The following ILKAP variants were observed in gnomAD, a reference collection of about 807,000 sequenced individuals.
ILKAP encodes the protein ILK associated serine/threonine phosphatase, also known as integrin-linked kinase-associated serine/threonine phosphatase 2C.
Under a neutral mutation model 49.1 loss-of-function variants are expected in ILKAP, and 11 were observed. The ratio of observed to expected loss-of-function variants is 0.22; its 90% CI spans 0.14 to 0.37. The LOEUF is 0.37. Among genes scored for constraint, ILKAP ranks in the 10% least tolerant of loss-of-function variants. ILKAP has a pLI of 1.00. For missense variants in ILKAP, 363 were observed against 510.8 expected (o/e 0.71, Z 2.79); for synonymous variants, 186 against 192.8 (o/e 0.96, Z 0.29).
chr2:238,181,982 A>C, intron 9 of ILKAP, 83 bp downstream of exon 9: 6 of 1,444,834 alleles, frequency 4.2e-6, no homozygotes, highest in Non-Finnish European at 5.7e-6. Context: ...GTAACAGGGG[A>C]AGTTCTACTC....
At chr2:238,177,838 G>A (rs1273148361) in intron 9 of ILKAP, among the ~76,000 whole-genome samples, 1 of 152,142 alleles carries the variant, frequency 6.6e-6, no homozygotes, top group East Asian at 1.9e-4. Flanking sequence ...TATATACGCA[G>A]AGGTGGAACT....
intron 4 of ILKAP, among the ~76,000 whole-genome samples, chr2:238,189,090 G>A (rs988500289): frequency 1.3e-5 from 2 of 151,970 alleles, no homozygotes; most frequent in Non-Finnish European, 2.9e-5. Flanking sequence ...AAGCCGAGGC[G>A]GGCAGATCAC....
rs1694677476 is a variant in ILKAP at position 238,203,676 on chromosome 2, C to G, written c.-123G>C. 5.2e-6 allele frequency: 2 copies of G among 383,776 alleles called. No homozygotes were observed. The highest frequency in any genetic ancestry group is 7.9e-6 in the Non-Finnish European group (2 of 254,248). 23.8% of individuals were successfully genotyped at this position (383,776 alleles called of 1,614,324 possible). A position where few individuals can be genotyped will look rare whatever the true frequency, so the allele number is the denominator to read the frequency against. ...GACGGGCAGGGGCGGCCGGCGCCGT[C>G]AGTCACCTGCAGGGAGAGTCCCGGA... On this transcript the variant is annotated 5_prime_UTR_variant, in exon 1 of 12. Transcript: ENST00000254654.
chr2:238,203,583 G>A lies in ILKAP; in HGVS notation c.-30C>T. On this transcript the variant is annotated 5_prime_UTR_variant, in exon 1 of 12. Coordinates refer to ENST00000254654, the MANE Select transcript of ILKAP (RefSeq NM_030768.3). ...GAGGCTGGGTGGAGGCGGCAGCAGCGACAGACACTCAGCCCGCGAGCAGCG... is the reference window on the plus strand; with the variant it reads ...GAGGCTGGGTGGAGGCGGCAGCAGCAACAGACACTCAGCCCGCGAGCAGCG... The A allele has an allele frequency of 8.8e-7, 1 of 1,141,480 alleles. No individual in the cohort carries two copies. Among genetic ancestry groups the A allele is most frequent in the Non-Finnish European group, 1.1e-6 (1 of 926,802 alleles). The allele number at this position is 1,141,480 out of a possible 1,614,324, so 70.7% of individuals were successfully genotyped here.
chr2:238,192,815 C>A (rs1694192717), intron 3 of ILKAP, among the ~76,000 whole-genome samples: 1 of 151,972 alleles, frequency 6.6e-6, no homozygotes, highest in Non-Finnish European at 1.5e-5. Flanking sequence ...GAGTTCGAGA[C>A]CAGCCTGGCC....
At chr2:238,173,513 G>C (rs763364112) in intron 10 of ILKAP, 21 bp downstream of exon 10, 2 of 1,524,744 alleles carry the variant, frequency 1.3e-6, no homozygotes, top group Non-Finnish European at 1.8e-6. Context: ...ACACACCTGT[G>C]CCTCTTATAG....
At position 238,184,099 on chromosome 2, in the gene ILKAP, C is replaced by A; in HGVS notation, c.547G>T (p.Val183Leu). ...RKFPKGDVISVEKTVKRCLLD... is the reference protein window; with the variant it reads ...RKFPKGDVISLEKTVKRCLLD... Reference sequence around the variant, plus strand: ...AGGCATCTCTTCACGGTTTTCTCTACACTGATTACATCTCCTATTACAGAA... The same window carrying A: ...AGGCATCTCTTCACGGTTTTCTCTAAACTGATTACATCTCCTATTACAGAA... Residue 183 changes from valine (V) to leucine (L), a missense_variant, in exon 7 of 12, where the codon GTA (valine) becomes TTA (leucine). By Grantham distance (32) the Val-to-Leu change is conservative. Around this residue, in one of 3 missense-constraint regions of ILKAP, gnomAD observed 166 missense variants for 307.3 expected, o/e 0.54. Transcript: ENST00000254654. The A allele has an allele frequency of 6.3e-7, 1 of 1,587,964 alleles. No individual in the cohort carries two copies. Among genetic ancestry groups the A allele is most frequent in the Non-Finnish European group, 8.6e-7 (1 of 1,156,168 alleles).
intron 3 of ILKAP, among the ~76,000 whole-genome samples, chr2:238,191,815 G>A (rs1398325709): frequency 6.7e-6 from 1 of 149,868 alleles, no homozygotes; most frequent in Non-Finnish European, 1.5e-5. Context: ...TGAGGCACGA[G>A]ACTCACTGGA....
chr2:238,203,444 C>T, intron 1 of ILKAP, 55 bp downstream of exon 1: 23 of 1,065,462 alleles, frequency 2.2e-5, no homozygotes, highest in Non-Finnish European at 2.7e-5. Flanking sequence ...CCTCAGGCCG[C>T]CCCCATCCCG....
intron 6 of ILKAP, among the ~76,000 whole-genome samples, chr2:238,184,547 T>C (rs1298742729): frequency 6.6e-6 from 1 of 152,044 alleles, no homozygotes; most frequent in East Asian, 1.9e-4. Flanking sequence ...GAACAATCCC[T>C]ATTTCTTTCC....
rs1485644009 is a variant in ILKAP, at chr2:238,183,747, G to A, written c.627-7C>T. 10 of 1,607,370 alleles carry A rather than the reference G, an allele frequency of 6.2e-6. No homozygotes were observed. Among genetic ancestry groups the A allele is most frequent in the East Asian group, 2.2e-5 (1 of 44,818 alleles). On this transcript the variant is annotated splice_region_variant and splice_polypyrimidine_tract_variant and intron_variant, in intron 7 of 11. Transcript: ENST00000254654. The stretch of plus-strand genomic sequence containing the variant: ...ATCTTTCCAGGCAGGCTTCCTGGGG[G>A]GAAACACATCAGAAACACAGTCACC...
chr2:238,201,287 A>T (rs1217679397), intron 1 of ILKAP, among the ~76,000 whole-genome samples: 1 of 152,226 alleles, frequency 6.6e-6, no homozygotes, highest in Non-Finnish European at 1.5e-5. Context: ...GTTGTAGCTA[A>T]CAGCCTGCAA....
chr2:238,192,558 G>A (rs1694177528), intron 3 of ILKAP, among the ~76,000 whole-genome samples: 1 of 152,040 alleles, frequency 6.6e-6, no homozygotes, highest in Non-Finnish European at 1.5e-5. Context: ...AAATTAGGTG[G>A]GCGTGGTGGC....
At chr2:238,187,059 C>T (rs1693935433) in intron 5 of ILKAP, 1 of 152,220 alleles carries the variant, frequency 6.6e-6, no homozygotes, top group Non-Finnish European at 1.5e-5. Context: ...TGAGACAAGC[C>T]TGAGCAACTT....
chr2:238,199,904 C>T (rs1162729564), intron 1 of ILKAP, among the ~76,000 whole-genome samples: 1 of 152,084 alleles, frequency 6.6e-6, no homozygotes, highest in Non-Finnish European at 1.5e-5. Context: ...TATGCGCCAT[C>T]GAGCCCAGCC....
chr2:238,185,480 A>C (rs1693864749), intron 5 of ILKAP, 193 bp from the exon 6 acceptor site: 2 of 513,470 alleles, frequency 3.9e-6, no homozygotes, highest in South Asian at 5.4e-5. Context: ...AGTAACTTTC[A>C]CAGCATTTTA....
At chr2:238,196,487 A>G (rs1352991697) in intron 1 of ILKAP, among the ~76,000 whole-genome samples, 1 of 152,148 alleles carries the variant, frequency 6.6e-6, no homozygotes, top group Non-Finnish European at 1.5e-5. Flanking sequence ...TCAGCCTCCC[A>G]AAGTGCTGGG....
intron 3 of ILKAP, among the ~76,000 whole-genome samples, chr2:238,192,884 A>T (rs189956742): frequency 2.0e-5 from 3 of 151,112 alleles, no homozygotes; most frequent in Admixed American, 2.0e-4. Context: ...ATGGTGGCAC[A>T]CGCCTGTAGT....
At chr2:238,173,501 A>G (rs374352842) in intron 10 of ILKAP, 33 bp downstream of exon 10, 1 of 1,593,496 alleles carries the variant, frequency 6.3e-7, no homozygotes. Context: ...ACCCACATGC[A>G]CACACACCTG....
Sources: gnomAD v4.1 joint callset for allele counts (sites outside exome capture counted in the v4.1 genomes callset) on GRCh38, gnomAD v4.1.1 for gene constraint, gnomAD v4.1.1 regional missense constraint, MANE v1.5 for transcripts, NCBI Gene and HGNC (gene_info 2026-07-23, HGNC 2026-07-21) for gene names.